KCND2: variants seen among roughly 807,000 people sequenced by gnomAD.
KCND2 encodes the protein A-type voltage-gated potassium channel KCND2.
In KCND2, 16 loss-of-function variants were observed where a neutral mutation model predicts 54.4. That is an observed-to-expected ratio of 0.29 (90% CI 0.20 to 0.45). The LOEUF is 0.45. Among genes scored for constraint, KCND2 ranks in the 20% least tolerant of loss-of-function variants. KCND2 has a pLI of 1.00. For missense variants in KCND2, 486 were observed against 824.2 expected (o/e 0.59, Z 5.02); for synonymous variants, 317 against 310.7 (o/e 1.02, Z -0.21).
At chr7:120,304,903 A>G (rs922518960) in intron 1 of KCND2, among the ~76,000 whole-genome samples, 10 of 152,144 alleles carry the variant, frequency 6.6e-5, no homozygotes, top group African/African-American at 2.2e-4. Context: ...CATTGTTTTC[A>G]CTGCACCGAG....
At chr7:120,383,517 T>C (rs547027186) in intron 1 of KCND2, among the ~76,000 whole-genome samples, 3 of 150,942 alleles carry the variant, frequency 2.0e-5, no homozygotes, top group African/African-American at 7.2e-5. Context: ...GGAATTTTAA[T>C]ACTAATATGT....
intron 1 of KCND2, among the ~76,000 whole-genome samples, chr7:120,367,564 TAA>T (rs1209549564): frequency 1.4e-5 from 2 of 141,656 alleles, no homozygotes; most frequent in Non-Finnish European, 1.5e-5. Flanking sequence ...AATCCATAGT[TAA>T]AAAAAAAAAA....
chr7:120,732,783 C>T, intron 1 of KCND2, 120 bp from the exon 2 acceptor site: 2 of 737,116 alleles, frequency 2.7e-6, no homozygotes, highest in Non-Finnish European at 4.6e-6. Flanking sequence ...ATTATAGTCA[C>T]AAAGTAGAAA....
At chr7:120,405,102 T>C (rs1163135447) in intron 1 of KCND2, among the ~76,000 whole-genome samples, 1 of 152,134 alleles carries the variant, frequency 6.6e-6, no homozygotes, top group African/African-American at 2.4e-5. Flanking sequence ...TTATATTTTA[T>C]GAATTATCTT....
At chr7:120,485,515 T>C (rs2116288867) in intron 1 of KCND2, among the ~76,000 whole-genome samples, 2 of 152,324 alleles carry the variant, frequency 1.3e-5, no homozygotes, top group Middle Eastern at 6.8e-3. Flanking sequence ...AGTGTAGTCC[T>C]TGATTTGCTC....
intron 1 of KCND2, among the ~76,000 whole-genome samples, chr7:120,589,442 G>A (rs1274435157): frequency 6.6e-6 from 1 of 151,082 alleles, no homozygotes; most frequent in Admixed American, 6.6e-5. Context: ...TTAAACTTTA[G>A]GATCAAGAAC....
intron 1 of KCND2, among the ~76,000 whole-genome samples, chr7:120,502,870 T>C (rs1296210044): frequency 1.3e-5 from 2 of 152,082 alleles, no homozygotes; most frequent in African/African-American, 2.4e-5. Context: ...CTCTTCCTTC[T>C]TCCTTGGTGG....
intron 1 of KCND2, among the ~76,000 whole-genome samples, chr7:120,283,746 A>G (rs1262150998): frequency 2.0e-5 from 3 of 152,264 alleles, no homozygotes; most frequent in South Asian, 2.1e-4. Context: ...GTTCAAGAAT[A>G]TTACACACAT....
intron 1 of KCND2, among the ~76,000 whole-genome samples, chr7:120,495,105 A>G (rs940018790): frequency 1.3e-5 from 2 of 152,166 alleles, no homozygotes; most frequent in African/African-American, 4.8e-5. Flanking sequence ...ATATAATCAA[A>G]TCTTTAAAAG....
At chr7:120,724,341 G>A (rs1166074427) in intron 1 of KCND2, among the ~76,000 whole-genome samples, 2 of 152,148 alleles carry the variant, frequency 1.3e-5, no homozygotes, top group African/African-American at 2.4e-5. Flanking sequence ...AAATTGTCAG[G>A]AAGTTTTTAA....
chr7:120,326,769 A>G (rs1383358710), intron 1 of KCND2, among the ~76,000 whole-genome samples: 1 of 148,210 alleles, frequency 6.7e-6, no homozygotes, highest in Non-Finnish European at 1.5e-5. Flanking sequence ...AAACTGCAGG[A>G]AAGCAGCAAT....
rs376674470 is a variant in KCND2, at chr7:120,733,042, G to A, written c.1255G>A (p.Ala419Thr). Residue 419 changes from alanine (A) to threonine (T), a missense_variant, in exon 2 of 6, where the codon GCA becomes ACA. By Grantham distance (58) the Ala-to-Thr change is moderately conservative. Transcript: ENST00000331113. The part of the protein sequence containing the change: ...FSRIYHQNQR[A>T]DKRRAQKKAR... The stretch of plus-strand genomic sequence containing the variant: ...TCGCATCTACCACCAGAATCAACGA[G>A]CAGACAAACGAAGGGCACAAAAGGT... The A allele has an allele frequency of 3.1e-6, 5 of 1,613,440 alleles. No homozygotes were observed. The highest frequency in any genetic ancestry group is 1.7e-5 in the Admixed American group (1 of 59,936).
At chr7:120,519,483 G>T (rs1249876974) in intron 1 of KCND2, among the ~76,000 whole-genome samples, 1 of 152,152 alleles carries the variant, frequency 6.6e-6, no homozygotes, top group East Asian at 1.9e-4. Flanking sequence ...CTGAGCTTGG[G>T]AGCAGATTCT....
chr7:120,275,885 G>A (rs1471159132), intron 1 of KCND2, 138 bp downstream of exon 1: 1 of 958,732 alleles, frequency 1.0e-6, no homozygotes, highest in Non-Finnish European at 1.6e-6. Context: ...TAAATGGTTT[G>A]GCAAAACTCT....
chr7:120,515,697 C>T (rs1373856256), intron 1 of KCND2, among the ~76,000 whole-genome samples: 3 of 152,104 alleles, frequency 2.0e-5, no homozygotes, highest in Non-Finnish European at 2.9e-5. Flanking sequence ...CTTGTTTCCA[C>T]CTCTGGGATT....
intron 1 of KCND2, among the ~76,000 whole-genome samples, chr7:120,491,362 A>AT (rs768557709): frequency 2.5e-4 from 38 of 152,164 alleles, no homozygotes; most frequent in Non-Finnish European, 5.1e-4. Context: ...CTACGAAAAT[A>AT]GTGGATATGT....
At chr7:120,404,745 T>C (rs953190991) in intron 1 of KCND2, among the ~76,000 whole-genome samples, 1 of 151,206 alleles carries the variant, frequency 6.6e-6, no homozygotes, top group Admixed American at 6.6e-5. Context: ...TCTAGGATTC[T>C]CTTTGATTAG....
At chr7:120,623,856 A>G (rs1012347274) in intron 1 of KCND2, among the ~76,000 whole-genome samples, 8 of 151,760 alleles carry the variant, frequency 5.3e-5, no homozygotes, top group Non-Finnish European at 2.9e-5. Flanking sequence ...CTAGATGTGT[A>G]GAAGAATTTG....
chr7:120,542,821 A>T (rs1490084411), intron 1 of KCND2, among the ~76,000 whole-genome samples: 1 of 152,274 alleles, frequency 6.6e-6, no homozygotes, highest in East Asian at 1.9e-4. Flanking sequence ...TTGCATTACA[A>T]TGTAGCAAAT....
Sources: allele counts gnomAD v4.1 joint callset (sites outside exome capture counted in the v4.1 genomes callset), GRCh38; gene constraint gnomAD v4.1.1; transcripts MANE v1.5; gene names NCBI Gene and HGNC (gene_info 2026-07-23, HGNC 2026-07-21).